Variants in LRRC28 observed in about 807,000 individuals in gnomAD.
The protein encoded by LRRC28 is leucine rich repeat containing 28.
Under a neutral mutation model 45.7 loss-of-function variants are expected in LRRC28, and 39 were observed. The observed-to-expected ratio is 0.85, with a 90% CI of 0.66 to 1.12. The LOEUF (loss-of-function observed/expected upper bound fraction) is 1.12. Among genes scored for constraint, LRRC28 ranks in the 50% most tolerant of loss-of-function variants. The pLI is 0.00. For synonymous variants in LRRC28, 206 were observed against 178.8 expected, an observed-to-expected ratio of 1.15 and a Z score of -1.22; for missense variants, 435 against 438.5, an observed-to-expected ratio of 0.99 and a Z score of 0.07.
chr15:99,353,924 A>G (rs1956965540), intron 7 of LRRC28: 1 of 152,260 alleles, frequency 6.6e-6, no homozygotes, highest in Non-Finnish European at 1.5e-5. Context: ...GTCTGGTAGC[A>G]GTGGTAGTGA....
At position 99,352,451 on chromosome 15, in the gene LRRC28, T is replaced by C. The variant is rs1163662580; in HGVS notation, c.675T>C (p.Asn225=). 1 of 1,613,720 alleles carries C rather than the reference T, an allele frequency of 6.2e-7. No individual in the cohort carries two copies. The highest frequency in any genetic ancestry group is 8.5e-7 in the Non-Finnish European group (1 of 1,179,858). Residue 225 remains asparagine (N), a synonymous_variant, in exon 7 of 10, where the codon AAT becomes AAC. Coordinates refer to ENST00000301981, the MANE Select transcript of LRRC28 (RefSeq NM_144598.5). ...HLKGLPSYLY[N]KVIGCSGCGA... ...AAGGCTTGCCATCTTATCTGTACAA[T>C]AAAGTCATCGGGTGCAGTGGGTAAG...
At position 99,255,951 on chromosome 15, in the gene LRRC28, T is replaced by C; in HGVS notation, c.-7T>C. ...GCTGCAGCGTGCCTGATGGGATATA[T>C]TCAGTCATGGCGTCCGAACTTTGTA... is the stretch of plus-strand genomic sequence containing the variant. On this transcript the variant is annotated 5_prime_UTR_variant, in exon 2 of 10. Transcript: ENST00000301981. The C allele has an allele frequency of 6.2e-7, 1 of 1,611,748 alleles. No homozygotes were observed. Among genetic ancestry groups the C allele is most frequent in the Non-Finnish European group, 8.5e-7 (1 of 1,179,724 alleles).
intron 5 of LRRC28, among the ~76,000 whole-genome samples, chr15:99,318,332 C>A (rs1023711837): frequency 3.9e-5 from 6 of 152,020 alleles, no homozygotes; most frequent in African/African-American, 1.4e-4. Context: ...AAAGTAAATA[C>A]AACTAATAAA....
chr15:99,282,177 G>GTTTTTTTTTTTTTTGTTTTTTTTT (rs1555555141), intron 3 of LRRC28, among the ~76,000 whole-genome samples: 1 of 98,048 alleles, frequency 1.0e-5, no homozygotes, highest in African/African-American at 4.8e-5. Flanking sequence ...ATTTTTGGAG[G>GTTTTTTTTTTTTTTGTTTTTTTTT]TTTTTTTTTT....
At chr15:99,288,366 A>G (rs1459475730) in intron 5 of LRRC28, among the ~76,000 whole-genome samples, 3 of 141,674 alleles carry the variant, frequency 2.1e-5, no homozygotes, top group Non-Finnish European at 4.5e-5. Flanking sequence ...ACTAATGTAC[A>G]TTAACTTTTT....
intron 5 of LRRC28, among the ~76,000 whole-genome samples, chr15:99,290,150 T>C (rs1243463942): frequency 4.0e-5 from 6 of 151,448 alleles, no homozygotes; most frequent in Non-Finnish European, 1.5e-5. Context: ...TTTCAGCTAC[T>C]TGGGAGGCTG....
intron 5 of LRRC28, among the ~76,000 whole-genome samples, chr15:99,308,524 T>G (rs1181804508): frequency 6.6e-6 from 1 of 151,964 alleles, no homozygotes; most frequent in Non-Finnish European, 1.5e-5. Context: ...ATAAAAAACT[T>G]AGTTAGGCGT....
intron 2 of LRRC28, among the ~76,000 whole-genome samples, chr15:99,261,136 A>G (rs1186538481): frequency 1.3e-5 from 2 of 152,214 alleles, no homozygotes; most frequent in African/African-American, 2.4e-5. Flanking sequence ...TTGCATGACA[A>G]AAGTCCAGAA....
At chr15:99,303,131 C>T (rs548239493) in intron 5 of LRRC28, among the ~76,000 whole-genome samples, 109 of 152,330 alleles carry the variant, frequency 7.2e-4, no homozygotes, top group African/African-American at 2.5e-3. Context: ...GTTCCAGTTC[C>T]TCAACCTTGC....
chr15:99,257,583 G>A (rs565612812), intron 2 of LRRC28: 2 of 589,812 alleles, frequency 3.4e-6, no homozygotes, highest in East Asian at 3.3e-5. Context: ...GAGGGTGGAG[G>A]TGGCTCTTGC....
At chr15:99,264,231 C>T (rs1208200332) in intron 2 of LRRC28, among the ~76,000 whole-genome samples, 2 of 152,148 alleles carry the variant, frequency 1.3e-5, no homozygotes, top group Non-Finnish European at 2.9e-5. Context: ...CTTTCTTAGA[C>T]AAGGTAGGCG....
intron 5 of LRRC28, among the ~76,000 whole-genome samples, chr15:99,322,484 A>C (rs991587479): frequency 6.6e-6 from 1 of 152,018 alleles, no homozygotes; most frequent in African/African-American, 2.4e-5. Flanking sequence ...GCCCTCACCT[A>C]CCTTTGTTCT....
rs1011386156 is a variant in LRRC28, at chr15:99,387,468, G to C, written c.*1366G>C. On this transcript the variant is annotated 3_prime_UTR_variant, in exon 10 of 10. Coordinates refer to ENST00000301981, the MANE Select transcript of LRRC28 (RefSeq NM_144598.5). ...TTGGCCCTCGTTTCTTGTATACTTA[G>C]CTTACTGCCCAGATGCAACTGAGAA... 4 of 152,128 alleles carry C rather than the reference G, an allele frequency of 2.6e-5. No homozygotes were observed. The highest frequency in any genetic ancestry group is 4.8e-5 in the African/African-American group (2 of 41,408). 9.4% of individuals were successfully genotyped at this position (152,128 alleles called of 1,614,324 possible).
At chr15:99,374,004 T>A (rs535488056) in intron 9 of LRRC28, among the ~76,000 whole-genome samples, 24 of 152,204 alleles carry the variant, frequency 1.6e-4, no homozygotes, top group Non-Finnish European at 3.2e-4. Context: ...ATAGTTTAGA[T>A]TATGGTAGGC....
At chr15:99,362,651 T>A (rs1307926573) in intron 8 of LRRC28, among the ~76,000 whole-genome samples, 1 of 152,226 alleles carries the variant, frequency 6.6e-6, no homozygotes, top group Admixed American at 6.5e-5. Flanking sequence ...TCCTTTTCAT[T>A]CTCTTCAATA....
chr15:99,259,542 C>A (rs562925118), intron 2 of LRRC28: 6 of 1,249,056 alleles, frequency 4.8e-6, no homozygotes, highest in Non-Finnish European at 7.1e-6. Context: ...CTGACAGAAT[C>A]TCTGTGTGCT....
At chr15:99,272,481 G>T (rs181575421) in intron 2 of LRRC28, among the ~76,000 whole-genome samples, 190 of 152,342 alleles carry the variant, frequency 1.2e-3, no homozygotes, top group Non-Finnish European at 2.1e-3. Flanking sequence ...GTAATGCACA[G>T]TGCCCACCAG....
At chr15:99,294,409 A>G (rs532889185) in intron 5 of LRRC28, among the ~76,000 whole-genome samples, 3 of 152,008 alleles carry the variant, frequency 2.0e-5, no homozygotes, top group Admixed American at 1.3e-4. Context: ...TCTGAGTTCT[A>G]CTTACTGTTT....
At chr15:99,321,802 T>G (rs991695313) in intron 5 of LRRC28, among the ~76,000 whole-genome samples, 2 of 152,188 alleles carry the variant, frequency 1.3e-5, no homozygotes, top group African/African-American at 4.8e-5. Flanking sequence ...ATGGGGAATA[T>G]AGCAGCAAAT....
Sources: allele counts gnomAD v4.1 joint callset (sites outside exome capture counted in the v4.1 genomes callset), GRCh38; gene constraint gnomAD v4.1.1; transcripts MANE v1.5; gene names NCBI Gene and HGNC (gene_info 2026-07-23, HGNC 2026-07-21).